Variants in SPTLC1 observed in about 807,000 individuals in gnomAD.
SPTLC1 encodes serine palmitoyltransferase long chain base subunit 1.
Under a neutral mutation model 68.9 loss-of-function variants are expected in SPTLC1, and 55 were observed. The observed-to-expected ratio is 0.80, with a 90% confidence interval of 0.64 to 1.00. The LOEUF is 1.00. SPTLC1 is among the 50% of genes least tolerant of loss of function. The pLI, the probability that SPTLC1 is intolerant of heterozygous loss-of-function variation, is 0.00. For missense variants in SPTLC1, 449 were observed against 573.1 expected (o/e 0.78, Z 2.21); for synonymous variants, 197 against 201.6 (o/e 0.98, Z 0.19).
At chr9:92,112,203 C>T (rs988144483) in intron 2 of SPTLC1, among the ~76,000 whole-genome samples, 2 of 152,178 alleles carry the variant, frequency 1.3e-5, no homozygotes, top group African/African-American at 2.4e-5. Context: ...TTCCCTCTAA[C>T]CATCTATTTG....
intron 9 of SPTLC1, among the ~76,000 whole-genome samples, chr9:92,049,588 T>C (rs917429755): frequency 6.6e-6 from 1 of 152,200 alleles, no homozygotes; most frequent in African/African-American, 2.4e-5. Flanking sequence ...AACAGTATCC[T>C]TTCTCTGCCG....
rs759476356 is a variant in SPTLC1 at position 92,079,601 on chromosome 9, C to A, written c.427+415G>T. ...TAAAAAACTACACTGTTTATCCCCC[C>A]TCCCTCCACCCCAGGCAATCTGCTC... On this transcript the variant is annotated intron_variant, in intron 5 of 14. Transcript: ENST00000262554. 1.9e-6 allele frequency: 3 copies of A among 1,555,558 alleles called. No homozygotes were observed. In the South Asian group the frequency reaches 3.3e-5, roughly 17 times the overall value.
At chr9:92,091,767 AATG>A (rs1012445322) in intron 3 of SPTLC1, among the ~76,000 whole-genome samples, 8 of 152,230 alleles carry the variant, frequency 5.3e-5, no homozygotes, top group African/African-American at 1.9e-4. Context: ...TCAGTTAAAA[AATG>A]ATACTAGGAT....
chr9:92,105,633 T>C (rs1301982757), intron 3 of SPTLC1, among the ~76,000 whole-genome samples: 1 of 151,394 alleles, frequency 6.6e-6, no homozygotes, highest in Non-Finnish European at 1.5e-5. Context: ...GGAGCGCCTC[T>C]GCCTGGCCAC....
chr9:92,088,859 A>T (rs1296051744), intron 3 of SPTLC1, among the ~76,000 whole-genome samples: 2 of 152,192 alleles, frequency 1.3e-5, no homozygotes, highest in African/African-American at 4.8e-5. Flanking sequence ...TGATACAGGA[A>T]TCCTGGAACC....
At chr9:92,052,408 C>T (rs552465179) in intron 8 of SPTLC1, among the ~76,000 whole-genome samples, 18 of 152,208 alleles carry the variant, frequency 1.2e-4, no homozygotes, top group East Asian at 5.8e-4. Context: ...TCTTCATCAA[C>T]GCATACGCAA....
chr9:92,062,114 T>C (rs1268552890), intron 6 of SPTLC1, among the ~76,000 whole-genome samples: 3 of 151,996 alleles, frequency 2.0e-5, no homozygotes, highest in African/African-American at 7.2e-5. Flanking sequence ...AATATAATAA[T>C]ATAGGTAGTA....
intron 6 of SPTLC1, among the ~76,000 whole-genome samples, chr9:92,061,846 A>C (rs1231954695): frequency 6.6e-6 from 1 of 152,334 alleles, no homozygotes; most frequent in East Asian, 1.9e-4. Flanking sequence ...AAAGCTATAC[A>C]AAGAAAAAGT....
At chr9:92,075,172 C>T (rs894473495) in intron 5 of SPTLC1, among the ~76,000 whole-genome samples, 1 of 152,178 alleles carries the variant, frequency 6.6e-6, no homozygotes, top group African/African-American at 2.4e-5. Flanking sequence ...GAGTATCCCC[C>T]TCCAAAGCTC....
chr9:92,069,057 C>T (rs1181940559), intron 5 of SPTLC1, among the ~76,000 whole-genome samples: 4 of 152,020 alleles, frequency 2.6e-5, no homozygotes, highest in East Asian at 1.9e-4. Flanking sequence ...AGTCTTAGAG[C>T]GCTATGGGAG....
chr9:92,060,030 TC>T (rs1834031231), intron 6 of SPTLC1, among the ~76,000 whole-genome samples: 6 of 152,048 alleles, frequency 3.9e-5, no homozygotes, highest in Admixed American at 3.3e-4. Context: ...CCTCCCCATC[TC>T]CTCCTGGGCA....
chr9:92,087,469 C>T (rs1835188921), intron 3 of SPTLC1, among the ~76,000 whole-genome samples: 1 of 152,218 alleles, frequency 6.6e-6, no homozygotes, highest in Admixed American at 6.5e-5. Flanking sequence ...ACAGACAGGA[C>T]CCTCAGCTGC....
chr9:92,080,286 T>C (rs890016694), intron 4 of SPTLC1, among the ~76,000 whole-genome samples, 198 bp from the exon 5 acceptor site: 1 of 152,220 alleles, frequency 6.6e-6, no homozygotes, highest in African/African-American at 2.4e-5. Context: ...CAAAACCTGG[T>C]TAACTTTTCT....
At chr9:92,066,496 G>C (rs2118590451) in intron 6 of SPTLC1, among the ~76,000 whole-genome samples, 1 of 152,194 alleles carries the variant, frequency 6.6e-6, no homozygotes, top group South Asian at 2.1e-4. Context: ...ATGTGCGTGG[G>C]CCCCAAGGTG....
rs1835969155 is a variant in SPTLC1, at chr9:92,106,073, G to A, written c.260+2667C>T. The stretch of plus-strand genomic sequence containing the variant: ...CCGTTTGTAAGGGAGGAGCGCCTCT[G>A]CCCAGCCCCTGCACCGTCTGGGAAG... On this transcript the variant is annotated intron_variant, in intron 3 of 14. Coordinates refer to ENST00000262554, the MANE Select transcript of SPTLC1 (RefSeq NM_006415.4). 2.0e-5 allele frequency among the ~76,000 whole-genome samples: 3 copies of A among 150,426 alleles called. No individual in the cohort carries two copies. The South Asian group carries it at 6.3e-4, about 32-fold the overall frequency.
At chr9:92,105,850 G>A (rs138815185) in intron 3 of SPTLC1, among the ~76,000 whole-genome samples, 1,782 of 132,002 alleles carry the variant, frequency 0.013, 49 homozygotes, top group African/African-American at 0.047. Context: ...CCTCCTCACC[G>A]TCTGGGAAAT....
intron 13 of SPTLC1, among the ~76,000 whole-genome samples, chr9:92,037,160 C>G (rs965108765): frequency 6.6e-6 from 1 of 152,206 alleles, no homozygotes; most frequent in Non-Finnish European, 1.5e-5. Flanking sequence ...AGGCTGCCTG[C>G]ACACCCGGTC....
At chr9:92,043,207 T>A (rs181434733) in intron 12 of SPTLC1, among the ~76,000 whole-genome samples, 1 of 152,320 alleles carries the variant, frequency 6.6e-6, no homozygotes, top group African/African-American at 2.4e-5. Flanking sequence ...AGCAGCGGCA[T>A]GTCACAGGCT....
intron 9 of SPTLC1, among the ~76,000 whole-genome samples, chr9:92,049,098 A>T (rs1227114646): frequency 6.6e-6 from 1 of 152,150 alleles, no homozygotes; most frequent in Non-Finnish European, 1.5e-5. Context: ...GTAACTGCTG[A>T]ATGTCAGTCT....
Sources: gnomAD v4.1 joint callset for allele counts (sites outside exome capture counted in the v4.1 genomes callset) on GRCh38, gnomAD v4.1.1 for gene constraint, MANE v1.5 for transcripts, NCBI Gene and HGNC (gene_info 2026-07-23, HGNC 2026-07-21) for gene names.